Variants in PPFIA2 observed in about 807,000 individuals in gnomAD.
PPFIA2 encodes PPFI scaffold protein A2, also known as liprin-alpha-2.
A neutral mutation model predicts 175.5 loss-of-function variants in PPFIA2; 46 were observed. That is an observed-to-expected ratio of 0.26 (90% CI 0.21 to 0.34). The LOEUF (loss-of-function observed/expected upper bound fraction) is 0.34, where lower values mean the gene tolerates loss of function less well. Ranked by LOEUF, PPFIA2 falls within the 10% of genes least tolerant of loss-of-function variation. PPFIA2 has a pLI of 1.00. For synonymous variants in PPFIA2, 568 were observed against 511.4 expected (o/e 1.11, Z -1.49); for missense variants, 1,179 against 1,506.1 (o/e 0.78, Z 3.60).
At chr12:81,292,267 ACT>A (rs1232059440) in intron 24 of PPFIA2, 1 of 152,040 alleles carries the variant, frequency 6.6e-6, no homozygotes, top group Non-Finnish European at 1.5e-5. Context: ...TACTCAGCAA[ACT>A]CTTCATCAGA....
chr12:81,611,389 A>G (rs1490935696), intron 4 of PPFIA2, among the ~76,000 whole-genome samples: 1 of 152,104 alleles, frequency 6.6e-6, no homozygotes, highest in East Asian at 1.9e-4. Context: ...CCCCTGCCTG[A>G]GTGCTGGCCG....
intron 21 of PPFIA2, among the ~76,000 whole-genome samples, chr12:81,326,539 G>A (rs1001344031): frequency 2.0e-5 from 3 of 152,002 alleles, no homozygotes; most frequent in Non-Finnish European, 2.9e-5. Flanking sequence ...AAAAGAGCTT[G>A]ATAAAAATAG....
intron 8 of PPFIA2, among the ~76,000 whole-genome samples, chr12:81,397,661 GTATAT>G (rs967773973): frequency 2.4e-4 from 36 of 152,050 alleles, no homozygotes; most frequent in African/African-American, 8.4e-4. Flanking sequence ...GGGAAACTTT[GTATAT>G]TATAAGAATA....
intron 22 of PPFIA2, among the ~76,000 whole-genome samples, chr12:81,301,714 C>T (rs144585818): frequency 2.1e-3 from 313 of 152,270 alleles, no homozygotes; most frequent in African/African-American, 7.0e-3. Context: ...TGGAAACAAC[C>T]CAGACCTCTT....
intron 4 of PPFIA2, among the ~76,000 whole-genome samples, chr12:81,584,939 A>G (rs189593619): frequency 0.013 from 972 of 74,336 alleles, no homozygotes; most frequent in African/African-American, 0.022. Flanking sequence ...TATATAATAT[A>G]TTATATATTA....
chr12:81,606,221 T>C (rs2060299593), intron 4 of PPFIA2, among the ~76,000 whole-genome samples: 1 of 152,112 alleles, frequency 6.6e-6, no homozygotes, highest in Non-Finnish European at 1.5e-5. Context: ...AGTCCACCAT[T>C]GATGGGCACC....
intron 22 of PPFIA2, among the ~76,000 whole-genome samples, chr12:81,316,652 T>C (rs1020998022): frequency 1.3e-5 from 2 of 151,632 alleles, no homozygotes; most frequent in Non-Finnish European, 3.0e-5. Flanking sequence ...ATCCCCACTC[T>C]TTAAAAGCAT....
At chr12:81,417,559 T>A (rs1442909487) in intron 7 of PPFIA2, among the ~76,000 whole-genome samples, 1 of 151,572 alleles carries the variant, frequency 6.6e-6, no homozygotes, top group Admixed American at 6.6e-5. Flanking sequence ...GCTAGGGCAA[T>A]AAAAAGGATT....
At chr12:81,741,044 T>C (rs753344553) in intron 3 of PPFIA2, among the ~76,000 whole-genome samples, 1 of 152,214 alleles carries the variant, frequency 6.6e-6, no homozygotes, top group South Asian at 2.1e-4. Context: ...TGAAAAAACA[T>C]GAAGAATGTG....
intron 4 of PPFIA2, chr12:81,471,207 A>T (rs988088545): frequency 6.6e-6 from 1 of 151,358 alleles, no homozygotes; most frequent in Non-Finnish European, 1.5e-5. Flanking sequence ...TATGATCACA[A>T]CTCACAACTT....
intron 5 of PPFIA2, among the ~76,000 whole-genome samples, chr12:81,449,860 A>G (rs1429267008): frequency 1.4e-5 from 2 of 143,496 alleles, no homozygotes; most frequent in African/African-American, 5.2e-5. Context: ...TCATTGTTCA[A>G]TTCCCACCTA....
chr12:81,333,972 C>G (rs182952911), intron 21 of PPFIA2, among the ~76,000 whole-genome samples: 1 of 152,146 alleles, frequency 6.6e-6, no homozygotes, highest in African/African-American at 2.4e-5. Context: ...CACTCAGGCC[C>G]CATTTTGACA....
At chr12:81,607,912 A>G (rs1030691398) in intron 4 of PPFIA2, among the ~76,000 whole-genome samples, 1 of 151,930 alleles carries the variant, frequency 6.6e-6, no homozygotes, top group African/African-American at 2.4e-5. Context: ...CTCATTCAGT[A>G]TGATGTTGGT....
At chr12:81,593,312 T>G (rs929283018) in intron 4 of PPFIA2, among the ~76,000 whole-genome samples, 1 of 152,292 alleles carries the variant, frequency 6.6e-6, no homozygotes, top group Admixed American at 6.5e-5. Context: ...CCTTGGTCAC[T>G]CATGTATCTG....
Position 81,352,863 on chromosome 12 carries a change from C to T in PPFIA2, c.1994+256G>A, listed in dbSNP as rs371363744. On this transcript the variant is annotated intron_variant, in intron 17 of 32. Coordinates refer to ENST00000549396, the MANE Select transcript of PPFIA2 (RefSeq NM_003625.5). ...TTTAACTTATTCTTCTGTACTGTCA[C>T]TGATGTCATTAATCTTATATGTTTC... Among the ~76,000 whole-genome samples, 31 of 152,258 alleles carry T rather than the reference C, an allele frequency of 2.0e-4. No homozygotes were observed. In the South Asian group the frequency reaches 3.5e-3, roughly 17 times the overall value.
At chr12:81,664,260 G>C (rs557565488) in intron 4 of PPFIA2, among the ~76,000 whole-genome samples, 7 of 152,060 alleles carry the variant, frequency 4.6e-5, no homozygotes, top group African/African-American at 9.6e-5. Context: ...GCAACCTACA[G>C]AATGGGAGAA....
At chr12:81,485,626 C>T (rs2058726662) in intron 4 of PPFIA2, among the ~76,000 whole-genome samples, 1 of 151,812 alleles carries the variant, frequency 6.6e-6, no homozygotes, top group African/African-American at 2.4e-5. Flanking sequence ...AAATGAATCA[C>T]AAGTTCACAT....
At chr12:81,639,996 G>C (rs1313278157) in intron 4 of PPFIA2, among the ~76,000 whole-genome samples, 1 of 152,132 alleles carries the variant, frequency 6.6e-6, no homozygotes, top group Non-Finnish European at 1.5e-5. Flanking sequence ...ATACCTGCTA[G>C]TGCTACGTGT....
intron 4 of PPFIA2, among the ~76,000 whole-genome samples, chr12:81,499,414 A>C (rs779763164): frequency 2.0e-5 from 3 of 151,782 alleles, no homozygotes; most frequent in African/African-American, 7.3e-5. Flanking sequence ...CATGGTTAGA[A>C]GCAATGCCTT....
Sources: gnomAD v4.1 joint callset for allele counts (sites outside exome capture counted in the v4.1 genomes callset) on GRCh38, gnomAD v4.1.1 for gene constraint, MANE v1.5 for transcripts, NCBI Gene and HGNC (gene_info 2026-07-23, HGNC 2026-07-21) for gene names.